The following CORO7 variants were observed in gnomAD, a reference collection of about 807,000 sequenced individuals.
CORO7 encodes coronin 7.
In CORO7, 107 loss-of-function variants were observed where a neutral mutation model predicts 126.6. The observed-to-expected ratio is 0.85, with a 90% CI of 0.72 to 0.99. The LOEUF (loss-of-function observed/expected upper bound fraction) is 0.99, where lower values mean the gene tolerates loss of function less well. CORO7 is among the 50% of genes least tolerant of loss of function. CORO7 has a pLI of 0.00. For missense variants in CORO7, 1,314 were observed against 1,255.8 expected, an observed-to-expected ratio of 1.05 and a Z score of -0.70; for synonymous variants, 603 against 536.8, an observed-to-expected ratio of 1.12 and a Z score of -1.70.
chr16:4,358,701 T>A (rs1055827847), intron 23 of CORO7: 6 of 437,426 alleles, frequency 1.4e-5, no homozygotes, highest in Non-Finnish European at 2.4e-5. Flanking sequence ...ACTCCCACCA[T>A]GGGCAGCTTC....
intron 23 of CORO7, chr16:4,358,774 G>A: frequency 2.7e-6 from 1 of 368,266 alleles, no homozygotes; most frequent in Non-Finnish European, 4.9e-6. Context: ...ACATCATCCT[G>A]CATTTCCTCC....
At chr16:4,412,615 G>GCTCC (rs2056254410) in intron 2 of CORO7, 185 bp from the exon 3 acceptor site, 1 of 612,520 alleles carries the variant, frequency 1.6e-6, no homozygotes, top group African/African-American at 1.9e-5. Context: ...CCATGCATGA[G>GCTCC]CCATCCATGC....
chr16:4,358,021 C>G lies in CORO7; in HGVS notation c.2540G>C (p.Gly847Ala). The change falls in exon 25 of 28, where the codon GGC becomes GCC. Residue 847 changes from glycine (G) to alanine (A), a missense_variant. Coordinates refer to ENST00000251166, the MANE Select transcript of CORO7 (RefSeq NM_024535.5). ...PVLSAEAWLQ[G>A]ANGQPWLLSL... is the part of the protein sequence containing the mutation. ...GAGAAGCCAGGGCTGCCCATTAGCG[C>G]CTTGCAGCCAGGCCTCGGCACTGAG... 1 of 1,613,090 alleles carries G rather than the reference C, an allele frequency of 6.2e-7. No individual in the cohort carries two copies. Among genetic ancestry groups the G allele is most frequent in the African/African-American group, 1.3e-5 (1 of 75,058 alleles).
chr16:4,402,790 C>G (rs117299139), intron 6 of CORO7, among the ~76,000 whole-genome samples: 2 of 152,184 alleles, frequency 1.3e-5, no homozygotes, highest in African/African-American at 4.8e-5. Context: ...TCAACCATGC[C>G]GGGAGTCAGG....
intron 9 of CORO7, chr16:4,382,005 TCCTACCTGGCTTAGC>T: frequency 1.2e-6 from 2 of 1,605,864 alleles, no homozygotes; most frequent in Non-Finnish European, 1.7e-6. Context: ...CTAGCTTGGC[TCCTACCTGGCTTAGC>T]CCCACAGAGC....
chr16:4,380,844 G>A lies in CORO7; in HGVS notation c.785+7142C>T, dbSNP rs765303202. 1.9e-5 allele frequency: 27 copies of A among 1,450,182 alleles called. No homozygotes were observed. The African/African-American group carries it at 3.6e-4, about 19-fold the overall frequency. The allele number at this position is 1,450,182 out of a possible 1,614,324, so 89.8% of individuals were successfully genotyped here. Reference sequence around the variant, plus strand: ...CTAGGCCCCTGACTCACAGTCTTCTGTCTCTGCCTCCTCTCTGCTCCCAGG... The same window carrying A: ...CTAGGCCCCTGACTCACAGTCTTCTATCTCTGCCTCCTCTCTGCTCCCAGG... On this transcript the variant is annotated intron_variant, in intron 9 of 27. Coordinates refer to ENST00000251166, the MANE Select transcript of CORO7 (RefSeq NM_024535.5).
chr16:4,413,206 C>T, intron 2 of CORO7, 102 bp downstream of exon 2: 3 of 1,271,430 alleles, frequency 2.4e-6, no homozygotes, highest in Non-Finnish European at 3.3e-6. Flanking sequence ...AGTTCCGTTC[C>T]AAGTCTCCAA....
At chr16:4,384,034 G>A (rs1465487071) in intron 9 of CORO7, among the ~76,000 whole-genome samples, 3 of 152,232 alleles carry the variant, frequency 2.0e-5, no homozygotes, top group Non-Finnish European at 2.9e-5. Flanking sequence ...CACCATGGGC[G>A]CAGCAGGAAA....
rs1159129613 is a variant in CORO7, at chr16:4,383,194, G to T, written c.785+4792C>A. The T allele has an allele frequency of 1.3e-5, 5 of 383,706 alleles. 1 individual carries two copies. The highest frequency in any genetic ancestry group is 2.4e-5 in the Non-Finnish European group (5 of 207,484). The allele number at this position is 383,706 out of a possible 1,614,324, so 23.8% of individuals were successfully genotyped here. A position where few individuals can be genotyped will look rare whatever the true frequency, so the allele number is the denominator to read the frequency against. ...GCACGGCGGGCCCTGCCATGTGCTG[G>T]TAACGCATGCCTGGGCCCTGCTGGG... On this transcript the variant is annotated intron_variant, in intron 9 of 27. Coordinates refer to ENST00000251166, the MANE Select transcript of CORO7 (RefSeq NM_024535.5).
At chr16:4,355,849 C>G (rs185285666) in intron 26 of CORO7, among the ~76,000 whole-genome samples, 86 of 152,322 alleles carry the variant, frequency 5.6e-4, no homozygotes, top group African/African-American at 2.0e-3. Flanking sequence ...GCAATCATGG[C>G]TCACTGCAGC....
At chr16:4,401,978 G>A (rs1318046366) in intron 6 of CORO7, among the ~76,000 whole-genome samples, 1 of 149,778 alleles carries the variant, frequency 6.7e-6, no homozygotes, top group South Asian at 2.1e-4. Context: ...TTGCTCTGTC[G>A]CCCAGGCTGG....
chr16:4,382,653 GGTGGGGGCA>G, intron 9 of CORO7: 1 of 1,553,672 alleles, frequency 6.4e-7, no homozygotes. Flanking sequence ...CGCTGGCTGC[GGTGGGGGCA>G]GCCTACTGTG....
At position 4,355,289 on chromosome 16, in the gene CORO7, C is replaced by T. The variant is rs761547642; in HGVS notation, c.2769G>A (p.Glu923=). Residue 923 remains glutamate (E), a synonymous_variant, in exon 27 of 28, where the codon GAG becomes GAA. Coordinates refer to ENST00000251166, the MANE Select transcript of CORO7 (RefSeq NM_024535.5). ...QDSFEGVDED[E]WD The stretch of plus-strand genomic sequence containing the variant: ...AGTGAGGCCACTCACTACTCACCCA[C>T]TCGTCCTCGTCCACGCCTTCAAAGG... 27 of 1,613,346 alleles carry T rather than the reference C, an allele frequency of 1.7e-5. No individual in the cohort carries two copies. The highest frequency in any genetic ancestry group is 1.0e-5 in the Non-Finnish European group (12 of 1,179,936).
At chr16:4,370,718 C>T (rs1283444379) in intron 9 of CORO7, among the ~76,000 whole-genome samples, 1 of 152,210 alleles carries the variant, frequency 6.6e-6, no homozygotes, top group African/African-American at 2.4e-5. Context: ...GACGGCTAGA[C>T]ACAGAGGCCA....
intron 10 of CORO7, 41 bp from the exon 11 acceptor site, chr16:4,365,101 C>T (rs770528738): frequency 6.4e-6 from 10 of 1,565,826 alleles, no homozygotes; most frequent in Non-Finnish European, 7.8e-6. Context: ...CTGACTGAAC[C>T]CCTGGGGAGG....
At chr16:4,355,491 G>A (rs954737111) in intron 26 of CORO7, 119 bp from the exon 27 acceptor site, 2 of 1,091,806 alleles carry the variant, frequency 1.8e-6, no homozygotes, top group South Asian at 3.1e-5. Context: ...TTTAGACGGA[G>A]TCTTGCTCTG....
chr16:4,394,216 C>T (rs1158693468), intron 7 of CORO7, among the ~76,000 whole-genome samples: 2 of 150,948 alleles, frequency 1.3e-5, no homozygotes, highest in Non-Finnish European at 3.0e-5. Context: ...GAGGCCAAGG[C>T]GGGAGGATCA....
At chr16:4,382,737 G>T in intron 9 of CORO7, 1 of 1,554,966 alleles carries the variant, frequency 6.4e-7, no homozygotes, top group Non-Finnish European at 8.7e-7. Context: ...CAGGGGCTGG[G>T]CCCCTGGAAC....
chr16:4,378,811 G>C (rs1308028167), intron 9 of CORO7, among the ~76,000 whole-genome samples: 1 of 152,090 alleles, frequency 6.6e-6, no homozygotes, highest in Non-Finnish European at 1.5e-5. Context: ...ACGACAGCAA[G>C]GGGGACACCG....
Sources: gnomAD v4.1 joint callset for allele counts (sites outside exome capture counted in the v4.1 genomes callset) on GRCh38, gnomAD v4.1.1 for gene constraint, MANE v1.5 for transcripts, NCBI Gene and HGNC (gene_info 2026-07-23, HGNC 2026-07-21) for gene names.